Variants in ABCC12 observed in about 807,000 individuals in gnomAD.
ABCC12 encodes ATP binding cassette subfamily C member 12.
Under a neutral mutation model 151.1 loss-of-function variants are expected in ABCC12, and 142 were observed. The observed-to-expected ratio is 0.94, with a 90% CI of 0.82 to 1.08. ABCC12 has a LOEUF of 1.08. Ranked by LOEUF, ABCC12 falls within the 50% of genes least tolerant of loss-of-function variation. The pLI is 0.00. For missense variants in ABCC12, 1,638 were observed against 1,691.1 expected (o/e 0.97, Z 0.55); for synonymous variants, 645 against 646.4 (o/e 1.00, Z 0.03).
rs761649238 is a variant in ABCC12 at position 48,139,200 on chromosome 16, A to C, written c.794T>G (p.Ile265Ser). The C allele has an allele frequency of 6.2e-7, 1 of 1,613,504 alleles. No individual in the cohort carries two copies. Among genetic ancestry groups the C allele is most frequent in the Non-Finnish European group, 8.5e-7 (1 of 1,179,872 alleles). Residue 265 changes from isoleucine to serine, a missense_variant, in exon 7 of 31, where the codon ATC (isoleucine) becomes AGC (serine). Transcript: ENST00000311303. The stretch of plus-strand genomic sequence containing the variant: ...GAATATGACATACACTGATATCCCG[A>C]TGAGAGCTGTGGGCCCCAGAATGAA... Reference protein sequence around the residue: ...AFFILGPTALIGISVYVIFIP... With the variant: ...AFFILGPTALSGISVYVIFIP...
chr16:48,092,028 C>G (rs1364797074), intron 24 of ABCC12, among the ~76,000 whole-genome samples: 1 of 152,162 alleles, frequency 6.6e-6, no homozygotes, highest in Non-Finnish European at 1.5e-5. Context: ...TGGAGTGATG[C>G]AGCTACAAGA....
chr16:48,114,897 A>G (rs1380905601), intron 15 of ABCC12, among the ~76,000 whole-genome samples: 1 of 152,184 alleles, frequency 6.6e-6, no homozygotes, highest in Non-Finnish European at 1.5e-5. Context: ...CTGAGCAGAG[A>G]GAGCTTCCCC....
intron 2 of ABCC12, among the ~76,000 whole-genome samples, chr16:48,150,981 T>C (rs1460847084): frequency 6.6e-6 from 1 of 152,114 alleles, no homozygotes; most frequent in Non-Finnish European, 1.5e-5. Flanking sequence ...TACTTAACTG[T>C]GTACATGTAT....
chr16:48,112,313 T>C (rs907105980), intron 15 of ABCC12, among the ~76,000 whole-genome samples: 5 of 152,168 alleles, frequency 3.3e-5, no homozygotes, highest in African/African-American at 2.4e-5. Flanking sequence ...AATCTGATCA[T>C]GGCCAGGCGC....
At chr16:48,100,797 C>T in intron 23 of ABCC12, 75 bp downstream of exon 23, 2 of 1,529,668 alleles carry the variant, frequency 1.3e-6, no homozygotes, top group South Asian at 2.5e-5. Flanking sequence ...CCAGACTTCC[C>T]TCCTCCTGTG....
intron 20 of ABCC12, among the ~76,000 whole-genome samples, chr16:48,106,254 C>G (rs1963488657): frequency 6.6e-6 from 1 of 152,196 alleles, no homozygotes; most frequent in Admixed American, 6.5e-5. Context: ...AGGAGACACT[C>G]CTGTGCCTTT....
intron 25 of ABCC12, 143 bp downstream of exon 25, chr16:48,090,977 C>G: frequency 2.6e-6 from 2 of 759,636 alleles, no homozygotes; most frequent in South Asian, 1.5e-5. Context: ...TCCCAAAGTG[C>G]TGGGATTATA....
chr16:48,155,190 T>A (rs184682286), intron 1 of ABCC12, among the ~76,000 whole-genome samples: 6 of 152,084 alleles, frequency 3.9e-5, no homozygotes, highest in Admixed American at 3.9e-4. Flanking sequence ...GGAAGGGAAG[T>A]GGGGGTGCTT....
In ABCC12 at chr16:48,086,652, T is replaced by C. The variant is rs1003591270; in HGVS notation, c.3714+89A>G. 3.5e-6 allele frequency: 4 copies of C among 1,143,836 alleles called. No individual in the cohort carries two copies. The Admixed American group carries it at 6.8e-5, about 19-fold the overall frequency. The allele number at this position is 1,143,836 out of a possible 1,614,324, so 70.9% of individuals were successfully genotyped here. On this transcript the variant is annotated intron_variant, in intron 28 of 30. Transcript: ENST00000311303. ...AAATAAACCTGGCTAAGTGCTGGCC[T>C]AGGTGCTTGTCAAATTTAAACATAG... is the stretch of plus-strand genomic sequence containing the variant.
chr16:48,124,111 A>G (rs565576744), intron 12 of ABCC12, 102 bp downstream of exon 12: 1 of 1,202,226 alleles, frequency 8.3e-7, no homozygotes, highest in African/African-American at 1.5e-5. Context: ...CACAGTGTCC[A>G]GTGCAGCCGA....
chr16:48,138,249 A>T lies in ABCC12; in HGVS notation c.958T>A (p.Ser320Thr), dbSNP rs943272821. The change falls in exon 8 of 31, where the codon TCT becomes ACT. Residue 320 changes from serine to threonine, a missense_variant. Transcript: ENST00000311303. ...CTACCTTGGATAGTGTTGGTAAAAG[A>T]TTTCTCCCAGGCATACATTTTGATC... ...RLIKMYAWEK[S>T]FTNTIQDIRR... is the part of the protein sequence containing the mutation. The T allele has an allele frequency of 2.5e-6, 4 of 1,610,588 alleles. No homozygotes were observed. The African/African-American group carries it at 5.3e-5, about 22-fold the overall frequency.
intron 23 of ABCC12, among the ~76,000 whole-genome samples, chr16:48,100,052 C>T (rs1234152543): frequency 6.6e-6 from 1 of 151,812 alleles, no homozygotes; most frequent in Non-Finnish European, 1.5e-5. Context: ...CTCTGCCTCC[C>T]AGGTTCAAGT....
At chr16:48,151,647 A>G (rs1287096553) in intron 2 of ABCC12, among the ~76,000 whole-genome samples, 1 of 152,150 alleles carries the variant, frequency 6.6e-6, no homozygotes, top group Admixed American at 6.5e-5. Context: ...GTAAACCAAA[A>G]CCATTCTTAA....
Position 48,138,276 on chromosome 16 carries a change from G to T in ABCC12, c.931C>A (p.Leu311Met). 1.9e-6 allele frequency: 3 copies of T among 1,613,674 alleles called. No homozygotes were observed. The highest frequency in any genetic ancestry group is 2.5e-6 in the Non-Finnish European group (3 of 1,179,662). Residue 311 changes from leucine (L) to methionine (M), a missense_variant, in exon 8 of 31, where the codon CTG (leucine) becomes ATG (methionine). Leu to Met is a conservative substitution (Grantham distance 15). Transcript: ENST00000311303. ...TMNEFLTCIR[L>M]IKMYAWEKSF... ...TTCTCCCAGGCATACATTTTGATCA[G>T]CCTGATGCAGGTCAGAAACTCATTC...
chr16:48,085,508 CAT>C lies in ABCC12; in HGVS notation c.3828+83_3828+84del, dbSNP rs1158188167. ...CAATTGCTGTCTCTTTGCTGAAAGA[CAT>C]ACACGTGGCTCTGCCTCCTGGATTG... On this transcript the variant is annotated intron_variant, in intron 29 of 30. Coordinates refer to ENST00000311303, the MANE Select transcript of ABCC12 (RefSeq NM_001393797.1). 7.1e-6 allele frequency: 8 copies of C among 1,128,374 alleles called. No individual in the cohort carries two copies. The East Asian group carries it at 1.4e-4, about 20-fold the overall frequency. 69.9% of individuals were successfully genotyped at this position (1,128,374 alleles called of 1,614,324 possible). A position where few individuals can be genotyped will look rare whatever the true frequency, so the allele number is the denominator to read the frequency against.
At chr16:48,105,410 C>A in intron 20 of ABCC12, 74 bp from the exon 21 acceptor site, 1 of 1,429,224 alleles carries the variant, frequency 7.0e-7, no homozygotes. Flanking sequence ...TCCGGAGAAT[C>A]TTTCCAGAGA....
At chr16:48,127,539 C>A (rs1022974395) in intron 11 of ABCC12, among the ~76,000 whole-genome samples, 1 of 152,162 alleles carries the variant, frequency 6.6e-6, no homozygotes, top group Non-Finnish European at 1.5e-5. Flanking sequence ...CCAGACTCTG[C>A]AGCCAGGTGC....
At position 48,124,233 on chromosome 16, in the gene ABCC12, G is replaced by A. The variant is rs745928932; in HGVS notation, c.1567C>T (p.Leu523Phe). ...GNVGSGKSSL[L>F]AALLGQMQLQ... ...CTTACCTGTCCTAGGAGAGCTGCAAGGAGGGAGCTCTTTCCACTTCCCACA... is the reference window on the plus strand; with the variant it reads ...CTTACCTGTCCTAGGAGAGCTGCAAAGAGGGAGCTCTTTCCACTTCCCACA... The change falls in exon 12 of 31, where the codon CTT becomes TTT. Residue 523 changes from leucine (L) to phenylalanine (F), a missense_variant. By Grantham distance (22) the Leu-to-Phe change is conservative (BLOSUM62 0). Coordinates refer to ENST00000311303, the MANE Select transcript of ABCC12 (RefSeq NM_001393797.1). 1.2e-6 allele frequency: 2 copies of A among 1,614,204 alleles called. No individual in the cohort carries two copies. The highest frequency in any genetic ancestry group is 1.7e-5 in the Admixed American group (1 of 60,030).
chr16:48,132,871 T>C (rs1196611833), intron 9 of ABCC12, among the ~76,000 whole-genome samples: 2 of 152,184 alleles, frequency 1.3e-5, no homozygotes, highest in Non-Finnish European at 2.9e-5. Flanking sequence ...ATCGTCCCAT[T>C]TGCAGATTAC....
Sources: allele counts gnomAD v4.1 joint callset (sites outside exome capture counted in the v4.1 genomes callset), GRCh38; gene constraint gnomAD v4.1.1; transcripts MANE v1.5; gene names NCBI Gene and HGNC (gene_info 2026-07-23, HGNC 2026-07-21).